Variants in PCSK9 observed in about 807,000 individuals in gnomAD.
PCSK9 encodes convertase subtilisin/kexin type 9 preproprotein.
In PCSK9, 57 loss-of-function variants were observed where a neutral mutation model predicts 62.1. That is an observed-to-expected ratio of 0.92 (90% confidence interval 0.74 to 1.14). PCSK9 has a LOEUF of 1.14. Ranked by LOEUF, PCSK9 falls within the 50% of genes most tolerant of loss-of-function variation. The pLI is 0.00. For synonymous variants in PCSK9, 387 were observed against 409.4 expected, an observed-to-expected ratio of 0.95 and a Z score of 0.66; for missense variants, 870 against 959.8, an observed-to-expected ratio of 0.91 and a Z score of 1.24.
chr1:55,057,603 T>C (rs1644725307), intron 7 of PCSK9, 89 bp downstream of exon 7: 13 of 1,446,982 alleles, frequency 9.0e-6, no homozygotes, highest in Non-Finnish European at 1.9e-6. Context: ...AGTGCCAGGC[T>C]CTGTGCAGGG....
In PCSK9 at chr1:55,059,673, T is replaced by C. The variant is rs181296942; in HGVS notation, c.1681+10T>C. On this transcript the variant is annotated intron_variant, in intron 10 of 11. Coordinates refer to ENST00000302118, the MANE Select transcript of PCSK9 (RefSeq NM_174936.4). Reference sequence around the variant, plus strand: ...GGCCACGTCCTCACAGGTAGGAGGCTGGGCTTGCCCTGGGGTGAGGAGGGG... The same window carrying C: ...GGCCACGTCCTCACAGGTAGGAGGCCGGGCTTGCCCTGGGGTGAGGAGGGG... 51 of 1,549,664 alleles carry C rather than the reference T, an allele frequency of 3.3e-5. No homozygotes were observed. In the East Asian group the frequency reaches 8.3e-4, roughly 25 times the overall value.
rs1324548567 is a variant in PCSK9, at chr1:55,061,546, C to A, written c.1853C>A (p.Pro618His). 6.9e-6 allele frequency: 11 copies of A among 1,597,220 alleles called. No individual in the cohort carries two copies. Among genetic ancestry groups the A allele is most frequent in the Non-Finnish European group, 9.4e-6 (11 of 1,172,284 alleles). Residue 618 changes from proline (P) to histidine (H), a missense_variant, in exon 11 of 12, where the codon CCT becomes CAT. Pro to His is a moderately conservative substitution (Grantham distance 77). Transcript: ENST00000302118. ...GTCAAGGAGCATGGAATCCCGGCCC[C>A]TCAGGAGCAGGTGAAGAGGCCCGTG... is the stretch of plus-strand genomic sequence containing the variant. ...CKVKEHGIPA[P>H]QEQVTVACEE...
chr1:55,053,453 A>C (rs1207485432), intron 5 of PCSK9, among the ~76,000 whole-genome samples: 1 of 152,158 alleles, frequency 6.6e-6, no homozygotes, highest in Non-Finnish European at 1.5e-5. Flanking sequence ...CGTAGCTGCT[A>C]AATAGTTGAC....
Position 55,039,999 on chromosome 1 carries a change from A to G in PCSK9, c.162A>G (p.Glu54=). 1.3e-6 allele frequency: 2 copies of G among 1,577,790 alleles called. No homozygotes were observed. Among genetic ancestry groups the G allele is most frequent in the Non-Finnish European group, 8.6e-7 (1 of 1,162,554 alleles). Residue 54 remains glutamate, a synonymous_variant, in exon 1 of 12, where the codon GAA becomes GAG. Transcript: ENST00000302118. ...GTTCCGAGGAGGACGGCCTGGCCGA[A>G]GCACCCGAGCACGGAACCACAGCCA... ...ALRSEEDGLA[E]APEHGTTATF... is the part of the protein sequence containing the mutation.
At position 55,058,557 on chromosome 1, in the gene PCSK9, C is replaced by T. The variant is rs1357691724; in HGVS notation, c.1413C>T (p.Ala471=). The T allele has an allele frequency of 2.5e-6, 4 of 1,612,056 alleles. No homozygotes were observed. The South Asian group carries it at 3.3e-5, about 13-fold the overall frequency. Residue 471 remains alanine (A), a synonymous_variant, in exon 9 of 12, where the codon GCC becomes GCT. Coordinates refer to ENST00000302118, the MANE Select transcript of PCSK9 (RefSeq NM_174936.4). ...WSAHSGPTRM[A]TAVARCAPDE... ...CACACTCGGGGCCTACACGGATGGC[C>T]ACAGCCGTCGCCCGCTGCGCCCCAG...
At chr1:55,051,064 C>G (rs1450672594) in intron 3 of PCSK9, 1 of 440,850 alleles carries the variant, frequency 2.3e-6, no homozygotes, top group African/African-American at 2.0e-5. Context: ...AGACGTGAGG[C>G]AGGGTTCTTC....
rs28362282 is a variant in PCSK9, at chr1:55,062,788, T to C, written c.1864-581T>C. 4.9e-3 allele frequency among the ~76,000 whole-genome samples: 745 copies of C among 152,296 alleles called. 6 individuals carry two copies. The highest frequency in any genetic ancestry group is 0.017 in the African/African-American group (693 of 41,562). On this transcript the variant is annotated intron_variant, in intron 11 of 11. Coordinates refer to ENST00000302118, the MANE Select transcript of PCSK9 (RefSeq NM_174936.4). ...CACAGTCAGCAGTGAGCTGGGGCCA[T>C]GCAGGGGTCTGGCCTCAGAGGAGTG...
At chr1:55,059,816 A>T (rs1644746049) in intron 10 of PCSK9, among the ~76,000 whole-genome samples, 153 bp downstream of exon 10, 3 of 152,184 alleles carry the variant, frequency 2.0e-5, no homozygotes, top group African/African-American at 2.4e-5. Flanking sequence ...ATGCCCTTTG[A>T]GCCTGGGCAG....
chr1:55,051,097 T>C (rs1280255950), intron 3 of PCSK9: 10 of 455,424 alleles, frequency 2.2e-5, no homozygotes, highest in Non-Finnish European at 8.8e-6. Flanking sequence ...CTGCTGAGTC[T>C]GGGAATTTGT....
At chr1:55,057,282 C>A (rs540022278) in intron 6 of PCSK9, 49 bp from the exon 7 acceptor site, 2 of 1,580,530 alleles carry the variant, frequency 1.3e-6, no homozygotes, top group East Asian at 4.5e-5. Flanking sequence ...GCCTCTGCAA[C>A]CCCTCTCTTG....
rs1060500657 is a variant in PCSK9 at position 55,040,012 on chromosome 1, G to A, written c.175G>A (p.Gly59Arg). 2 of 1,576,150 alleles carry A rather than the reference G, an allele frequency of 1.3e-6. No individual in the cohort carries two copies. Among genetic ancestry groups the A allele is most frequent in the Non-Finnish European group, 1.7e-6 (2 of 1,161,566 alleles). Residue 59 changes from glycine to arginine, a missense_variant, in exon 1 of 12, where the codon GGA becomes AGA. Gly to Arg is a moderately radical substitution (Grantham distance 125). Transcript: ENST00000302118. The surrounding 1 kb of genome is among the most constrained non-coding windows in gnomAD (Gnocchi z 4.1). ...EDGLAEAPEH[G>R]TTATFHRCAK... ...CGGCCTGGCCGAAGCACCCGAGCAC[G>A]GAACCACAGCCACCTTCCACCGCTG... is the stretch of plus-strand genomic sequence containing the variant.
At chr1:55,053,206 T>C (rs1224651960) in intron 5 of PCSK9, among the ~76,000 whole-genome samples, 1 of 152,128 alleles carries the variant, frequency 6.6e-6, no homozygotes, top group Non-Finnish European at 1.5e-5. Context: ...CTTGCATGAC[T>C]GGGCCCTGCA....
intron 9 of PCSK9, among the ~76,000 whole-genome samples, chr1:55,058,941 G>A (rs1255359173): frequency 3.9e-5 from 6 of 152,236 alleles, no homozygotes; most frequent in African/African-American, 9.6e-5. Context: ...CGGCAGGGCC[G>A]CGTGAGGGTC....
At position 55,064,176 on chromosome 1, in the gene PCSK9, G is replaced by A. The variant is rs1056131446; in HGVS notation, c.*592G>A. The A allele has an allele frequency of 4.5e-5, 7 of 155,692 alleles. No individual in the cohort carries two copies. Among genetic ancestry groups the A allele is most frequent in the Non-Finnish European group, 8.5e-5 (6 of 70,368 alleles). The allele number at this position is 155,692 out of a possible 1,614,324, so 9.6% of individuals were successfully genotyped here. A position where few individuals can be genotyped will look rare whatever the true frequency, so the allele number is the denominator to read the frequency against. On this transcript the variant is annotated 3_prime_UTR_variant, in exon 12 of 12. Transcript: ENST00000302118. ...GGTGCGCCCCTGGTGGTCACAGGCT[G>A]TGCCTTGGTTTCCTGAGCCACCTTT...
At chr1:55,042,862 G>C (rs964173866) in intron 1 of PCSK9, among the ~76,000 whole-genome samples, 2 of 152,234 alleles carry the variant, frequency 1.3e-5, no homozygotes, top group African/African-American at 4.8e-5. Context: ...GGTCATGGGG[G>C]AGGAACCCCT....
intron 3 of PCSK9, chr1:55,051,045 G>A: frequency 2.4e-6 from 1 of 422,704 alleles, no homozygotes; most frequent in South Asian, 1.7e-5. Flanking sequence ...GCAGCCACCA[G>A]AAGCCGGAAG....
At chr1:55,052,855 C>T (rs494198) in intron 5 of PCSK9, 64 bp downstream of exon 5, 1 of 1,610,212 alleles carries the variant, frequency 6.2e-7, no homozygotes, top group South Asian at 1.1e-5. Flanking sequence ...GTGGCTTGGG[C>T]TGGGCCCAGG....
rs776276715 is a variant in PCSK9 at position 55,039,910 on chromosome 1, C to T, written c.73C>T (p.Pro25Ser). The change falls in exon 1 of 12, where the codon CCC becomes TCC. Residue 25 changes from proline to serine, a missense_variant. Physicochemically the swap from Pro to Ser is moderately conservative, Grantham distance 74. Transcript: ENST00000302118. ...GCTGCTGCTGCTGCTGCTCCTGGGT[C>T]CCGCGGGCGCCCGTGCGCAGGAGGA... Reference protein sequence around the residue: ...LLLLLLLLLGPAGARAQEDED... With the variant: ...LLLLLLLLLGSAGARAQEDED... 6.4e-7 allele frequency: 1 copy of T among 1,565,310 alleles called. No individual in the cohort carries two copies. Among genetic ancestry groups the T allele is most frequent in the Non-Finnish European group, 8.7e-7 (1 of 1,155,964 alleles).
At chr1:55,045,122 C>T (rs1204199476) in intron 2 of PCSK9, among the ~76,000 whole-genome samples, 1 of 150,320 alleles carries the variant, frequency 6.7e-6, no homozygotes, top group East Asian at 1.9e-4. Flanking sequence ...GGACAATGTG[C>T]TCAGCCTTGG....
Sources: gnomAD v4.1 joint callset for allele counts (sites outside exome capture counted in the v4.1 genomes callset) on GRCh38, gnomAD v4.1.1 for gene constraint, Gnocchi (gnomAD v3.1) non-coding constraint, MANE v1.5 for transcripts, NCBI Gene and HGNC (gene_info 2026-07-23, HGNC 2026-07-21) for gene names.